Variants in AGBL4 observed in about 807,000 individuals in gnomAD.
AGBL4 encodes AGBL carboxypeptidase 4.
A neutral mutation model predicts 66.4 loss-of-function variants in AGBL4; 58 were observed. The observed-to-expected ratio is 0.87, with a 90% CI of 0.71 to 1.09. The LOEUF is 1.09. Among genes scored for constraint, AGBL4 ranks in the 50% least tolerant of loss-of-function variants. The pLI, the probability that AGBL4 is intolerant of heterozygous loss-of-function variation, is 0.00. For synonymous variants in AGBL4, 234 were observed against 222.9 expected (o/e 1.05, Z -0.44); for missense variants, 579 against 631.0 (o/e 0.92, Z 0.88).
intron 9 of AGBL4, among the ~76,000 whole-genome samples, chr1:48,596,921 AG>A (rs1439199469): frequency 6.6e-6 from 1 of 152,106 alleles, no homozygotes; most frequent in Non-Finnish European, 1.5e-5. Context: ...CAAGGAACCA[AG>A]GGGATGGGCC....
intron 2 of AGBL4, among the ~76,000 whole-genome samples, chr1:49,786,024 T>C (rs1186738366): frequency 2.0e-5 from 3 of 151,824 alleles, no homozygotes; most frequent in Non-Finnish European, 4.4e-5. Flanking sequence ...AGCAGAACAT[T>C]ACCTAAACCG....
intron 2 of AGBL4, among the ~76,000 whole-genome samples, chr1:49,743,323 C>A (rs1219182373): frequency 6.6e-6 from 1 of 152,138 alleles, no homozygotes; most frequent in Non-Finnish European, 1.5e-5. Context: ...CACTAGCCAT[C>A]AGAGAAATGC....
At chr1:49,951,648 G>T (rs12040335) in intron 1 of AGBL4, among the ~76,000 whole-genome samples, 1 of 151,910 alleles carries the variant, frequency 6.6e-6, no homozygotes, top group African/African-American at 2.4e-5. Context: ...TACGGCATAC[G>T]TATTCCCATT....
intron 2 of AGBL4, among the ~76,000 whole-genome samples, chr1:49,754,953 T>G (rs1384710952): frequency 1.3e-5 from 2 of 152,184 alleles, no homozygotes; most frequent in South Asian, 2.1e-4. Context: ...AAGTCAATCT[T>G]TTTGCTTTTA....
chr1:49,442,305 G>A (rs1323493475), intron 3 of AGBL4, among the ~76,000 whole-genome samples: 1 of 152,114 alleles, frequency 6.6e-6, no homozygotes, highest in Admixed American at 6.6e-5. Flanking sequence ...AATAATAGAG[G>A]AAAGAGTAGC....
chr1:49,608,716 A>G (rs1008366558), intron 3 of AGBL4, among the ~76,000 whole-genome samples: 6 of 152,156 alleles, frequency 3.9e-5, no homozygotes, highest in Admixed American at 6.5e-5. Context: ...TTATTATCCT[A>G]TTCCTCAGTA....
chr1:49,842,348 T>C (rs1646018035), intron 2 of AGBL4: 9 of 561,148 alleles, frequency 1.6e-5, no homozygotes, highest in Admixed American at 1.2e-4. Context: ...GGCAGAGCCA[T>C]GGGCGGTGGA....
intron 11 of AGBL4, among the ~76,000 whole-genome samples, chr1:48,575,652 G>A (rs1223682414): frequency 6.6e-6 from 1 of 152,186 alleles, no homozygotes; most frequent in Non-Finnish European, 1.5e-5. Flanking sequence ...TCTGCCTGCA[G>A]AGCACTTTGC....
intron 3 of AGBL4, among the ~76,000 whole-genome samples, chr1:49,265,863 G>T (rs889645694): frequency 2.8e-4 from 42 of 152,022 alleles, no homozygotes; most frequent in Non-Finnish European, 2.6e-4. Flanking sequence ...ACATATATGT[G>T]CATGTATGTA....
At chr1:49,052,496 T>G (rs1195760353) in intron 4 of AGBL4, among the ~76,000 whole-genome samples, 1 of 152,202 alleles carries the variant, frequency 6.6e-6, no homozygotes, top group East Asian at 1.9e-4. Context: ...AAAAGCATCC[T>G]GTATCCTTCT....
chr1:49,799,197 T>C (rs886789236), intron 2 of AGBL4, among the ~76,000 whole-genome samples: 2 of 152,162 alleles, frequency 1.3e-5, no homozygotes, highest in Non-Finnish European at 2.9e-5. Context: ...CTTTAAAATA[T>C]ATGACTTTCT....
At chr1:48,892,668 T>A (rs1446838654) in intron 5 of AGBL4, among the ~76,000 whole-genome samples, 1 of 152,070 alleles carries the variant, frequency 6.6e-6, no homozygotes, top group African/African-American at 2.4e-5. Flanking sequence ...CTGATTAGCC[T>A]TTCCAAAGCA....
intron 2 of AGBL4, among the ~76,000 whole-genome samples, chr1:49,843,641 T>A (rs751357053): frequency 1.3e-5 from 2 of 152,176 alleles, no homozygotes; most frequent in Non-Finnish European, 2.9e-5. Context: ...AATTTCTCTA[T>A]CTTAATGTCA....
At chr1:49,189,223 TCTCATAATGTC>T (rs1647070742) in intron 4 of AGBL4, among the ~76,000 whole-genome samples, 1 of 152,184 alleles carries the variant, frequency 6.6e-6, no homozygotes, top group Non-Finnish European at 1.5e-5. Context: ...GAATCCTCCT[TCTCATAATGTC>T]CTTTTAGCTA....
chr1:49,195,283 T>G (rs1268731267), intron 4 of AGBL4, among the ~76,000 whole-genome samples: 1 of 152,238 alleles, frequency 6.6e-6, no homozygotes. Context: ...TTTATGAATG[T>G]GAATATTGAT....
chr1:49,003,733 T>C (rs1473404372), intron 5 of AGBL4, among the ~76,000 whole-genome samples: 1 of 152,154 alleles, frequency 6.6e-6, no homozygotes, highest in Admixed American at 6.5e-5. Flanking sequence ...ATACAGCTGT[T>C]GTTTTAGCCA....
chr1:49,848,487 A>C (rs1646215777), intron 2 of AGBL4, among the ~76,000 whole-genome samples: 1 of 152,248 alleles, frequency 6.6e-6, no homozygotes, highest in Non-Finnish European at 1.5e-5. Flanking sequence ...TCATCCATAA[A>C]AAGAATTAAA....
At chr1:49,780,368 G>A (rs1217149279) in intron 2 of AGBL4, among the ~76,000 whole-genome samples, 2 of 151,868 alleles carry the variant, frequency 1.3e-5, no homozygotes, top group Admixed American at 1.3e-4. Flanking sequence ...AGCTGTACTG[G>A]AAAAGAAAAT....
chr1:49,300,135 A>T (rs1004851895), intron 3 of AGBL4, among the ~76,000 whole-genome samples: 1 of 152,192 alleles, frequency 6.6e-6, no homozygotes, highest in Non-Finnish European at 1.5e-5. Flanking sequence ...GGCAAATGTT[A>T]TTCTACCAAC....
Sources: gnomAD v4.1 joint callset for allele counts (sites outside exome capture counted in the v4.1 genomes callset) on GRCh38, gnomAD v4.1.1 for gene constraint, MANE v1.5 for transcripts, NCBI Gene and HGNC (gene_info 2026-07-23, HGNC 2026-07-21) for gene names.